RBFOX3: variants seen among roughly 807,000 people sequenced by gnomAD.
The protein encoded by RBFOX3 is RNA binding fox-1 homolog 3.
RBFOX3 carries 17 observed loss-of-function variants against 48.7 expected under a neutral mutation model. That is an observed-to-expected ratio of 0.35 (90% CI 0.24 to 0.52). RBFOX3 has a LOEUF of 0.52. Among genes scored for constraint, RBFOX3 ranks in the 20% least tolerant of loss-of-function variants. The pLI, the probability that RBFOX3 is intolerant of heterozygous loss-of-function variation, is 0.94. For missense variants in RBFOX3, 382 were observed against 497.5 expected, an observed-to-expected ratio of 0.77 and a Z score of 2.21; for synonymous variants, 212 against 209.5, an observed-to-expected ratio of 1.01 and a Z score of -0.10.
chr17:79,256,547 G>A (rs1431711905), intron 3 of RBFOX3, among the ~76,000 whole-genome samples: 2 of 152,132 alleles, frequency 1.3e-5, no homozygotes, highest in African/African-American at 2.4e-5. Flanking sequence ...AATGTAAATC[G>A]CAGAACCATG....
intron 1 of RBFOX3, among the ~76,000 whole-genome samples, chr17:79,526,425 G>A (rs903445616): frequency 3.9e-5 from 6 of 152,220 alleles, no homozygotes; most frequent in African/African-American, 1.2e-4. Context: ...CCTATCACAC[G>A]ATCCTAAATC....
chr17:79,405,006 G>A (rs115694423), intron 2 of RBFOX3, among the ~76,000 whole-genome samples: 197 of 152,216 alleles, frequency 1.3e-3, no homozygotes, highest in African/African-American at 4.5e-3. Context: ...TCCCACCCAC[G>A]GCAGGATGCT....
In RBFOX3 at chr17:79,214,659, C is replaced by G. The variant is rs944502072; in HGVS notation, c.-34+21107G>C. 1.3e-5 allele frequency among the ~76,000 whole-genome samples: 2 copies of G among 151,882 alleles called. No individual in the cohort carries two copies. Among genetic ancestry groups the G allele is most frequent in the South Asian group, 4.2e-4 (2 of 4,786 alleles). ...CTCCCAGGCAGGGCTGAAGCTGGGT[C>G]TGTTCCCCAGGTTCCTGGGAGGGTG... On this transcript the variant is annotated intron_variant, in intron 4 of 14. Coordinates refer to ENST00000693108, the MANE Select transcript of RBFOX3 (RefSeq NM_001350451.2). This position sits in a 1 kb window ranked among gnomAD's most constrained non-coding sequence, Gnocchi z 4.7.
intron 1 of RBFOX3, among the ~76,000 whole-genome samples, chr17:79,515,795 A>G (rs1369996546): frequency 1.3e-5 from 2 of 152,112 alleles, no homozygotes; most frequent in African/African-American, 4.8e-5. Context: ...ACCGCTTCAG[A>G]GTCCGTCGCC....
chr17:79,303,124 G>A (rs915520942), intron 3 of RBFOX3, among the ~76,000 whole-genome samples: 10 of 152,240 alleles, frequency 6.6e-5, no homozygotes, highest in African/African-American at 1.2e-4. Context: ...TCGGAGGATC[G>A]CTTGGGCCTA....
At chr17:79,644,507 A>C in the RBFOX3 span, among the ~76,000 whole-genome samples, 19 of 152,214 alleles carry the variant, frequency 1.2e-4, no homozygotes, top group African/African-American at 4.1e-4. Context: ...AATCCTAAAG[A>C]ATCTATAACA....
chr17:79,259,266 C>T (rs1208606361), intron 3 of RBFOX3, among the ~76,000 whole-genome samples: 4 of 152,192 alleles, frequency 2.6e-5, no homozygotes, highest in Non-Finnish European at 5.9e-5. Context: ...GTGCTGTCCT[C>T]GGGTCGAGGG....
chr17:79,457,304 T>C (rs1555745638), intron 2 of RBFOX3, among the ~76,000 whole-genome samples: 1 of 152,224 alleles, frequency 6.6e-6, no homozygotes, highest in African/African-American at 2.4e-5. Context: ...GGACACAGGC[T>C]GGAATCAATA....
At position 79,554,464 on chromosome 17, in the gene RBFOX3, C is replaced by CTCCATCCTCACTCACAGTCACCCCCG. The variant is rs1349724968; in HGVS notation, c.-320+56361_-320+56362insCGGGGGTGACTGTGAGTGAGGATGGA. On this transcript the variant is annotated intron_variant, in intron 1 of 14. Coordinates refer to ENST00000693108, the MANE Select transcript of RBFOX3 (RefSeq NM_001350451.2). ...TCCATCTTCACTCACAGTCACCCCT[C>CTCCATCCTCACTCACAGTCACCCCCG]ACCTGGCCCTCTCCATCTTCACTCA... Among the ~76,000 whole-genome samples the CTCCATCCTCACTCACAGTCACCCCCG allele has an allele frequency of 2.7e-4, 20 of 74,394 alleles. 1 individual carries two copies. The highest frequency in any genetic ancestry group is 0.013 in the Middle Eastern group (2 of 158). The allele number at this position is 74,394 out of a possible 152,430, so 48.8% of individuals were successfully genotyped here.
At chr17:79,572,358 G>A (rs1159798785) in intron 1 of RBFOX3, among the ~76,000 whole-genome samples, 1 of 152,190 alleles carries the variant, frequency 6.6e-6, no homozygotes, top group Non-Finnish European at 1.5e-5. Flanking sequence ...CTTCTCCTCA[G>A]GCAAGGTCCC....
chr17:79,502,188 C>T (rs2082473700), intron 1 of RBFOX3, among the ~76,000 whole-genome samples: 1 of 152,184 alleles, frequency 6.6e-6, no homozygotes, highest in Admixed American at 6.5e-5. Context: ...AATGAAAGGG[C>T]TTTGAAAACA....
intron 2 of RBFOX3, among the ~76,000 whole-genome samples, chr17:79,338,830 A>G (rs1156547809): frequency 3.3e-5 from 5 of 152,230 alleles, no homozygotes; most frequent in Admixed American, 3.3e-4. Flanking sequence ...AGACAAATAA[A>G]GAGCTAGCTC....
At chr17:79,159,215 G>A (rs965455444) in intron 4 of RBFOX3, among the ~76,000 whole-genome samples, 1 of 152,222 alleles carries the variant, frequency 6.6e-6, no homozygotes, top group Non-Finnish European at 1.5e-5. Flanking sequence ...AGCACCAGGT[G>A]AGCTGACCTG....
chr17:79,230,107 C>T (rs1316645738), intron 4 of RBFOX3, among the ~76,000 whole-genome samples: 1 of 152,134 alleles, frequency 6.6e-6, no homozygotes. Context: ...AAGGGGGGTG[C>T]CGCCCAGAGG....
At chr17:79,461,786 A>T (rs1486965321) in intron 2 of RBFOX3, among the ~76,000 whole-genome samples, 1 of 152,222 alleles carries the variant, frequency 6.6e-6, no homozygotes, top group Non-Finnish European at 1.5e-5. Context: ...TAAGAAAAAG[A>T]TGGGGATTTG....
chr17:79,664,472 G>A, the RBFOX3 span, among the ~76,000 whole-genome samples: 2 of 151,678 alleles, frequency 1.3e-5, no homozygotes, highest in Non-Finnish European at 2.9e-5. Flanking sequence ...TCAGGCTCCC[G>A]AGTAGCTGGG....
At chr17:79,240,545 A>C (rs77562336) in intron 3 of RBFOX3, among the ~76,000 whole-genome samples, 1,525 of 152,346 alleles carry the variant, frequency 0.01, 17 homozygotes, top group East Asian at 0.063. Context: ...TCAGGCACTG[A>C]ATATACATCA....
the RBFOX3 span, among the ~76,000 whole-genome samples, chr17:79,647,086 A>T: frequency 2.3e-5 from 3 of 129,004 alleles, no homozygotes; most frequent in African/African-American, 1.0e-4. Flanking sequence ...TGTGTGTGTG[A>T]TCTCCTTGCA....
At chr17:79,588,795 G>A (rs2093332700) in intron 1 of RBFOX3, among the ~76,000 whole-genome samples, 1 of 151,086 alleles carries the variant, frequency 6.6e-6, no homozygotes, top group Non-Finnish European at 1.5e-5. Flanking sequence ...GGGCCATATA[G>A]TGAGACCCCA....
Sources: gnomAD v4.1 joint callset for allele counts (sites outside exome capture counted in the v4.1 genomes callset) on GRCh38, gnomAD v4.1.1 for gene constraint, Gnocchi (gnomAD v3.1) non-coding constraint, MANE v1.5 for transcripts, NCBI Gene and HGNC (gene_info 2026-07-23, HGNC 2026-07-21) for gene names.